Variants in FGF13 observed in about 807,000 individuals in gnomAD.
FGF13 encodes the protein fibroblast growth factor homologous factor 2.
In FGF13, 2 loss-of-function variants were observed where a neutral mutation model predicts 19.5. The observed-to-expected ratio is 0.10, with a 90% CI of 0.04 to 0.32. FGF13 has a LOEUF of 0.32. Ranked by LOEUF, FGF13 falls within the 10% of genes least tolerant of loss-of-function variation. FGF13 has a pLI of 1.00. For synonymous variants in FGF13, 72 were observed against 76.9 expected (o/e 0.94, Z 0.33); for missense variants, 113 against 192.7 (o/e 0.59, Z 2.45).
intron 1 of FGF13, among the ~76,000 whole-genome samples, chrX:138,867,664 A>G (rs111969074): frequency 0.1 from 11,597 of 110,569 alleles, 1,465 homozygotes; most frequent in African/African-American, 0.36. Flanking sequence ...TGGGGGCACT[A>G]CCCCCATGAT....
chrX:138,739,778 C>T (rs182018851), upstream of FGF13, among the ~76,000 whole-genome samples: 10 of 111,446 alleles, frequency 9.0e-5, no homozygotes, highest in East Asian at 5.7e-4. Context: ...GAATAGAAAA[C>T]GCTACAAGCA....
chrX:139,049,366 CT>C (rs1255038638), intron 1 of FGF13, among the ~76,000 whole-genome samples: 14 of 111,662 alleles, frequency 1.3e-4, no homozygotes, highest in Admixed American at 1.1e-3. Context: ...TGATTACCAA[CT>C]GTTGAGACAG....
intron 1 of FGF13, among the ~76,000 whole-genome samples, chrX:138,891,834 C>T (rs950182012): frequency 3.6e-5 from 4 of 110,464 alleles, no homozygotes; most frequent in Admixed American, 9.7e-5. Context: ...CTCTTTCTTC[C>T]GTGCTGGATG....
chrX:138,720,089 G>A (rs924722649), intron 1 of FGF13, among the ~76,000 whole-genome samples: 1 of 112,536 alleles, frequency 8.9e-6, no homozygotes, highest in African/African-American at 3.2e-5. Flanking sequence ...CTAATGTATT[G>A]AGCACCAACT....
rs2092083712 is a variant in FGF13, at chrX:139,003,434, G to C, written c.-112-138784C>G. ...CGAAAGAACAAAGCCTCTACAGTGT[G>C]GAAGGGGACCCGAACGTGTTGCCAA... On this transcript the variant is annotated intron_variant, in intron 1 of 2. Coordinates refer to the FGF13 transcript ENST00000421460. Among the ~76,000 whole-genome samples, 3 of 111,818 alleles carry C rather than the reference G, an allele frequency of 2.7e-5. No individual in the cohort carries two copies. The Admixed American group carries it at 2.8e-4, about 11-fold the overall frequency.
intron 1 of FGF13, among the ~76,000 whole-genome samples, chrX:138,727,017 C>T (rs920568420): frequency 9.0e-6 from 1 of 111,258 alleles, no homozygotes; most frequent in Non-Finnish European, 1.9e-5. Flanking sequence ...GTACCAAGCT[C>T]ATTATAAACC....
intron 1 of FGF13, among the ~76,000 whole-genome samples, chrX:139,090,798 G>A (rs776808424): frequency 6.4e-5 from 7 of 109,332 alleles, no homozygotes; most frequent in Non-Finnish European, 1.1e-4. Flanking sequence ...AAAATTAGCC[G>A]GGTGTGCTAG....
intron 1 of FGF13, among the ~76,000 whole-genome samples, chrX:138,732,210 T>A (rs1439332466): frequency 8.9e-6 from 1 of 111,785 alleles, no homozygotes; most frequent in Non-Finnish European, 1.9e-5. Flanking sequence ...TTATATCAAC[T>A]TTATGACCCA....
At position 138,680,267 on chromosome X, in the gene FGF13, A is replaced by G. The variant is rs909271613; in HGVS notation, c.402+22717T>C. Among the ~76,000 whole-genome samples the G allele has an allele frequency of 8.9e-5, 10 of 112,293 alleles. No individual in the cohort carries two copies. In the East Asian group the frequency reaches 1.4e-3, roughly 16 times the overall value. On this transcript the variant is annotated intron_variant, in intron 3 of 4. Transcript: ENST00000315930. The stretch of plus-strand genomic sequence containing the variant: ...ATCAACTTCTTTCAAAGTCCTGTTA[A>G]TATTTTGACCTCCACCTATGAATCA...
chrX:139,120,249 A>G (rs763348872), intron 1 of FGF13, among the ~76,000 whole-genome samples: 1 of 112,383 alleles, frequency 8.9e-6, no homozygotes, highest in Admixed American at 9.4e-5. Flanking sequence ...GTATCTTTAT[A>G]GCAGTGTGAA....
intron 3 of FGF13, among the ~76,000 whole-genome samples, chrX:138,694,512 G>T (rs1388224111): frequency 2.0e-5 from 2 of 100,424 alleles, no homozygotes; most frequent in East Asian, 6.2e-4. Flanking sequence ...GTGCAGTGGC[G>T]CAATCTTGGC....
At chrX:138,695,421 T>G (rs1384922897) in intron 3 of FGF13, among the ~76,000 whole-genome samples, 1 of 111,969 alleles carries the variant, frequency 8.9e-6, no homozygotes, top group Admixed American at 9.5e-5. Flanking sequence ...TATTTTTTAC[T>G]TAAAAAATTG....
chrX:138,916,122 C>T (rs7887515), intron 1 of FGF13, among the ~76,000 whole-genome samples: 3,865 of 111,677 alleles, frequency 0.035, 169 homozygotes, highest in African/African-American at 0.12. Flanking sequence ...ACCTGTTGAT[C>T]ACAGAGCAAC....
intron 1 of FGF13, among the ~76,000 whole-genome samples, chrX:138,945,255 G>A (rs1007207317): frequency 3.6e-5 from 4 of 110,928 alleles, no homozygotes; most frequent in Admixed American, 9.6e-5. Context: ...TGAAGACTAC[G>A]TGCGACATGC....
At chrX:138,889,689 G>GA (rs990324063) in intron 1 of FGF13, among the ~76,000 whole-genome samples, 11 of 111,443 alleles carry the variant, frequency 9.9e-5, no homozygotes, top group Non-Finnish European at 5.6e-5. Flanking sequence ...AGAGCTCCAT[G>GA]AAAAATCATT....
At chrX:138,695,016 C>T (rs1269911141) in intron 3 of FGF13, among the ~76,000 whole-genome samples, 1 of 107,689 alleles carries the variant, frequency 9.3e-6, no homozygotes, top group East Asian at 2.9e-4. Flanking sequence ...CACACACACA[C>T]ACACACACAC....
intron 1 of FGF13, among the ~76,000 whole-genome samples, chrX:139,003,230 C>A (rs1218803632): frequency 3.6e-5 from 4 of 110,063 alleles, no homozygotes; most frequent in Non-Finnish European, 7.6e-5. Context: ...AGCTGCAGAC[C>A]TTCGCGGTGA....
intron 1 of FGF13, among the ~76,000 whole-genome samples, chrX:138,728,625 T>C (rs2090203520): frequency 9.0e-6 from 1 of 110,502 alleles, no homozygotes; most frequent in Non-Finnish European, 1.9e-5. Flanking sequence ...CCATCTACTA[T>C]TGGGAGAGGG....
chrX:138,782,506 C>T (rs2090653602), intron 3 of FGF13, among the ~76,000 whole-genome samples: 1 of 109,215 alleles, frequency 9.2e-6, no homozygotes, highest in African/African-American at 3.3e-5. Flanking sequence ...ACAAGCATTC[C>T]TATACAACAA....
Sources: allele counts gnomAD v4.1 joint callset (sites outside exome capture counted in the v4.1 genomes callset), GRCh38; gene constraint gnomAD v4.1.1; transcripts MANE v1.5; gene names NCBI Gene and HGNC (gene_info 2026-07-23, HGNC 2026-07-21).